The following TAFA2 variants were observed in gnomAD, a reference collection of about 807,000 sequenced individuals.
The protein encoded by TAFA2 is chemokine-like protein TAFA-2.
Under a neutral mutation model 18.8 loss-of-function variants are expected in TAFA2, and 7 were observed. That is an observed-to-expected ratio of 0.37 (90% CI 0.21 to 0.70). The LOEUF (loss-of-function observed/expected upper bound fraction) is 0.70. TAFA2 is among the 30% of genes least tolerant of loss of function. The probability of loss-of-function intolerance (pLI) is 0.53; values close to 1 mark genes in which losing one functional copy is unlikely to be tolerated. For missense variants in TAFA2, 122 were observed against 158.1 expected (o/e 0.77, Z 1.23); for synonymous variants, 60 against 54.2 (o/e 1.11, Z -0.47).
At chr12:61,999,881 T>C (rs1032690596) in intron 1 of TAFA2, among the ~76,000 whole-genome samples, 1 of 152,218 alleles carries the variant, frequency 6.6e-6, no homozygotes, top group African/African-American at 2.4e-5. Context: ...GTTCCAAACC[T>C]ATGAGACTGT....
intron 4 of TAFA2, among the ~76,000 whole-genome samples, chr12:61,729,029 G>A (rs1243981034): frequency 8.1e-6 from 1 of 122,938 alleles, no homozygotes. Context: ...AAAATTCTTG[G>A]CTGATTTTTT....
At chr12:61,947,340 G>A (rs566616414) in intron 1 of TAFA2, among the ~76,000 whole-genome samples, 2 of 148,322 alleles carry the variant, frequency 1.3e-5, no homozygotes, top group Admixed American at 1.3e-4. Flanking sequence ...ATAGCATTGG[G>A]AGATATACCT....
chr12:61,744,373 A>T (rs1218181253), intron 4 of TAFA2, among the ~76,000 whole-genome samples: 1 of 152,152 alleles, frequency 6.6e-6, no homozygotes, highest in Non-Finnish European at 1.5e-5. Context: ...GCACACATAT[A>T]TCGCCCATTT....
At chr12:61,898,073 A>C (rs1396222527) in intron 1 of TAFA2, among the ~76,000 whole-genome samples, 2 of 152,244 alleles carry the variant, frequency 1.3e-5, no homozygotes, top group Admixed American at 6.5e-5. Context: ...CACATCTTAA[A>C]GCTCCAAAAC....
chr12:61,787,083 C>G (rs551090771), intron 2 of TAFA2, among the ~76,000 whole-genome samples: 1 of 151,284 alleles, frequency 6.6e-6, no homozygotes, highest in Non-Finnish European at 1.5e-5. Flanking sequence ...TTAGATGAAA[C>G]AGCAGAACCC....
chr12:62,004,473 AAAG>A (rs1173580138), intron 1 of TAFA2, among the ~76,000 whole-genome samples: 5 of 152,318 alleles, frequency 3.3e-5, no homozygotes, highest in African/African-American at 1.2e-4. Flanking sequence ...AAGGTGTTAA[AAAG>A]AAGAAAAGTT....
At chr12:61,851,558 C>T (rs1333631627) in intron 2 of TAFA2, among the ~76,000 whole-genome samples, 5 of 151,050 alleles carry the variant, frequency 3.3e-5, no homozygotes, top group Non-Finnish European at 5.9e-5. Flanking sequence ...GGGTGGATCA[C>T]GAGGTCAGGA....
At chr12:61,737,322 T>C (rs1427554175) in intron 4 of TAFA2, among the ~76,000 whole-genome samples, 1 of 151,962 alleles carries the variant, frequency 6.6e-6, no homozygotes, top group African/African-American at 2.4e-5. Flanking sequence ...GAAAATTGCA[T>C]ATCTTTTTCA....
chr12:62,170,587 T>C (rs1354639128), intron 1 of TAFA2, among the ~76,000 whole-genome samples: 1 of 152,228 alleles, frequency 6.6e-6, no homozygotes, highest in East Asian at 1.9e-4. Flanking sequence ...AGAGGGACCA[T>C]CTAGATCTAT....
intron 1 of TAFA2, among the ~76,000 whole-genome samples, chr12:61,910,886 A>T (rs972238609): frequency 1.3e-5 from 2 of 152,164 alleles, no homozygotes; most frequent in Non-Finnish European, 1.5e-5. Flanking sequence ...AAGCTCTAAC[A>T]CTGCCAATGA....
chr12:62,079,711 T>C (rs1868291640), intron 1 of TAFA2, among the ~76,000 whole-genome samples: 2 of 151,852 alleles, frequency 1.3e-5, no homozygotes, highest in South Asian at 2.1e-4. Context: ...AAATCTGTGA[T>C]CAAAAATCAA....
intron 1 of TAFA2, among the ~76,000 whole-genome samples, chr12:61,963,542 T>C (rs1592517213): frequency 6.6e-6 from 1 of 152,192 alleles, no homozygotes; most frequent in African/African-American, 2.4e-5. Flanking sequence ...TTGATGGGGT[T>C]GTTTAGGGTT....
intron 2 of TAFA2, among the ~76,000 whole-genome samples, chr12:61,782,972 A>AT (rs908757371): frequency 3.4e-4 from 51 of 151,768 alleles, no homozygotes; most frequent in African/African-American, 9.6e-4. Context: ...GACATTTATC[A>AT]TTTTTTTCCA....
intron 1 of TAFA2, among the ~76,000 whole-genome samples, chr12:62,101,234 C>T (rs1869186993): frequency 6.6e-6 from 1 of 152,100 alleles, no homozygotes; most frequent in Non-Finnish European, 1.5e-5. Flanking sequence ...CCATGCCCAC[C>T]TAAGATCCCT....
At chr12:61,721,056 G>A in intron 4 of TAFA2, 2 of 418,860 alleles carry the variant, frequency 4.8e-6, no homozygotes, top group Admixed American at 2.8e-5. Context: ...CTCCAAAAAA[G>A]CTCACAGTGG....
chr12:62,088,932 G>A (rs916312617), intron 1 of TAFA2, among the ~76,000 whole-genome samples: 29 of 151,200 alleles, frequency 1.9e-4, no homozygotes, highest in African/African-American at 5.3e-4. Flanking sequence ...GTGTGTGCAC[G>A]CGCGCGCACG....
At chr12:62,234,767 CT>C in intron 1 of TAFA2, 1 of 1,084,962 alleles carries the variant, frequency 9.2e-7, no homozygotes, top group Admixed American at 1.7e-5. Context: ...GCTCTGCTGT[CT>C]GTGGAGCAGG....
chr12:62,027,095 A>G (rs1158358127), intron 1 of TAFA2, among the ~76,000 whole-genome samples: 2 of 152,176 alleles, frequency 1.3e-5, no homozygotes, highest in African/African-American at 4.8e-5. Context: ...TTAGCTAAAT[A>G]ACATCTGCCA....
At chr12:61,739,922 G>T (rs758600746) in intron 4 of TAFA2, among the ~76,000 whole-genome samples, 5 of 152,060 alleles carry the variant, frequency 3.3e-5, no homozygotes, top group Non-Finnish European at 7.4e-5. Flanking sequence ...TAGAATAAAT[G>T]CATCTCAGTA....
Sources: gnomAD v4.1 joint callset for allele counts (sites outside exome capture counted in the v4.1 genomes callset) on GRCh38, gnomAD v4.1.1 for gene constraint, MANE v1.5 for transcripts, NCBI Gene and HGNC (gene_info 2026-07-23, HGNC 2026-07-21) for gene names.